The following MAML2 variants were observed in gnomAD, a reference collection of about 807,000 sequenced individuals.
MAML2 encodes the protein mastermind like transcriptional coactivator 2.
A neutral mutation model predicts 96.1 loss-of-function variants in MAML2; 22 were observed. The observed-to-expected ratio is 0.23, with a 90% CI of 0.16 to 0.33. The LOEUF is 0.33. MAML2 is among the 10% of genes least tolerant of loss of function. The probability of loss-of-function intolerance (pLI) is 1.00; values close to 1 mark genes in which losing one functional copy is unlikely to be tolerated. For missense variants in MAML2, 1,367 were observed against 1,392.4 expected (o/e 0.98, Z 0.29); for synonymous variants, 561 against 521.3 (o/e 1.08, Z -1.04).
chr11:96,223,529 C>T (rs904392284), intron 1 of MAML2, among the ~76,000 whole-genome samples: 1 of 151,798 alleles, frequency 6.6e-6, no homozygotes, highest in African/African-American at 2.4e-5. Context: ...AGGGTAGATC[C>T]AGCCAGGTAT....
chr11:96,007,152 A>G (rs989656227), intron 2 of MAML2, among the ~76,000 whole-genome samples: 3 of 149,448 alleles, frequency 2.0e-5, no homozygotes, highest in Non-Finnish European at 3.0e-5. Context: ...ACAGGAGCGT[A>G]CCACCATGTC....
At chr11:96,116,307 T>A (rs994150987) in intron 1 of MAML2, among the ~76,000 whole-genome samples, 2 of 152,190 alleles carry the variant, frequency 1.3e-5, no homozygotes, top group African/African-American at 4.8e-5. Flanking sequence ...ATGGACTCAA[T>A]GTACTCTATG....
At chr11:96,012,334 T>C (rs1858279835) in intron 2 of MAML2, among the ~76,000 whole-genome samples, 1 of 152,140 alleles carries the variant, frequency 6.6e-6, no homozygotes, top group Non-Finnish European at 1.5e-5. Flanking sequence ...AACAATCAAG[T>C]CTTTAACGAG....
chr11:96,160,769 T>G (rs530963145), intron 1 of MAML2, among the ~76,000 whole-genome samples: 54 of 152,294 alleles, frequency 3.5e-4, no homozygotes, highest in Non-Finnish European at 6.6e-4. Flanking sequence ...ACTCCCCAAT[T>G]TAAAGATTCG....
intron 2 of MAML2, among the ~76,000 whole-genome samples, chr11:96,049,296 T>C (rs1357200967): frequency 6.6e-6 from 1 of 152,226 alleles, no homozygotes; most frequent in Non-Finnish European, 1.5e-5. Flanking sequence ...TAGGTAATAA[T>C]ATAAAGTAGA....
chr11:96,233,964 C>T (rs1201659482), intron 1 of MAML2, among the ~76,000 whole-genome samples: 3 of 152,198 alleles, frequency 2.0e-5, no homozygotes, highest in Non-Finnish European at 4.4e-5. Context: ...AGCCCTCTCT[C>T]CATTTCTTGC....
intron 2 of MAML2, among the ~76,000 whole-genome samples, chr11:96,043,209 C>T (rs910612056): frequency 4.6e-5 from 7 of 152,182 alleles, no homozygotes; most frequent in African/African-American, 1.7e-4. Context: ...ATTTTACAAA[C>T]AGGAACACAA....
intron 1 of MAML2, among the ~76,000 whole-genome samples, chr11:96,256,291 T>G (rs564321119): frequency 1.3e-5 from 2 of 152,272 alleles, no homozygotes; most frequent in South Asian, 4.2e-4. Context: ...AAACTCTGAT[T>G]CCAGAGCCCG....
At chr11:96,164,659 A>T (rs1394367576) in intron 1 of MAML2, among the ~76,000 whole-genome samples, 1 of 152,222 alleles carries the variant, frequency 6.6e-6, no homozygotes, top group Non-Finnish European at 1.5e-5. Context: ...ATCCCTGAAC[A>T]CAACACAGAA....
intron 1 of MAML2, among the ~76,000 whole-genome samples, chr11:96,135,295 C>T (rs1448030292): frequency 2.0e-5 from 3 of 152,188 alleles, no homozygotes; most frequent in Non-Finnish European, 4.4e-5. Context: ...ACTTCCCAGT[C>T]TCCAAAACTG....
At chr11:96,180,287 C>T (rs562904768) in intron 1 of MAML2, among the ~76,000 whole-genome samples, 6 of 152,294 alleles carry the variant, frequency 3.9e-5, no homozygotes, top group East Asian at 1.9e-4. Context: ...GGTGGGTCTA[C>T]GTTCCCTCCT....
rs766470058 is a variant in MAML2, at chr11:96,092,039, T to C, written c.1992A>G (p.Gln664=). 8.3e-6 allele frequency: 13 copies of C among 1,557,744 alleles called. No individual in the cohort carries two copies. Among genetic ancestry groups the C allele is most frequent in the Middle Eastern group, 1.7e-4 (1 of 5,988 alleles). Residue 664 remains glutamine, a synonymous_variant, in exon 2 of 5, where the codon CAA becomes CAG. Transcript: ENST00000524717. The surrounding 1 kb of genome is among the most constrained non-coding windows in gnomAD (Gnocchi z 4.1). ...ATTGGGCAGGCTGAGAAGATGGTTGTTGCTGCTGCTGCTGCTGCTGTTGTT... is the reference window on the plus strand; with the variant it reads ...ATTGGGCAGGCTGAGAAGATGGTTGCTGCTGCTGCTGCTGCTGCTGTTGTT... ...QQQQQQQQQQ[Q]QPSSQPAQSL...
At chr11:96,175,593 T>G (rs1452334580) in intron 1 of MAML2, among the ~76,000 whole-genome samples, 1 of 152,084 alleles carries the variant, frequency 6.6e-6, no homozygotes, top group East Asian at 1.9e-4. Flanking sequence ...TTTTGTTTTG[T>G]TTTGTTTTTT....
At chr11:96,317,194 G>C (rs1054845592) in intron 1 of MAML2, among the ~76,000 whole-genome samples, 2 of 152,106 alleles carry the variant, frequency 1.3e-5, no homozygotes, top group Non-Finnish European at 2.9e-5. Flanking sequence ...TCCACAGAAG[G>C]AAAGATGCAC....
chr11:96,139,685 C>T lies in MAML2; in HGVS notation c.514-46168G>A, dbSNP rs553606038. Among the ~76,000 whole-genome samples, 5 of 152,142 alleles carry T rather than the reference C, an allele frequency of 3.3e-5. No homozygotes were observed. In the East Asian group the frequency reaches 9.6e-4, roughly 29 times the overall value. On this transcript the variant is annotated intron_variant, in intron 1 of 4. Transcript: ENST00000524717. ...TCTGACCTCTGGGGCTACCTCTCCC[C>T]TTTACCTACTCATAATCATTTTGGT...
At chr11:96,039,087 C>G (rs1196961329) in intron 2 of MAML2, among the ~76,000 whole-genome samples, 6 of 152,158 alleles carry the variant, frequency 3.9e-5, no homozygotes, top group African/African-American at 1.4e-4. Flanking sequence ...CCTGTCTACA[C>G]AAAAATGTTT....
intron 1 of MAML2, among the ~76,000 whole-genome samples, chr11:96,310,061 T>C (rs748729477): frequency 3.9e-5 from 6 of 152,154 alleles, no homozygotes; most frequent in Non-Finnish European, 8.8e-5. Flanking sequence ...ATAGGGAGCA[T>C]ACTTGCTTCT....
intron 2 of MAML2, among the ~76,000 whole-genome samples, chr11:96,002,829 A>T: frequency 7.0e-6 from 1 of 142,676 alleles, no homozygotes; most frequent in Non-Finnish European, 1.5e-5. Flanking sequence ...GATGAGGAGG[A>T]TGATGGGGAT....
At chr11:95,981,467 C>T (rs1857736112) in intron 4 of MAML2, among the ~76,000 whole-genome samples, 1 of 152,154 alleles carries the variant, frequency 6.6e-6, no homozygotes, top group Non-Finnish European at 1.5e-5. Context: ...ATCACAATGT[C>T]AGTGGATGGG....
Sources: allele counts gnomAD v4.1 joint callset (sites outside exome capture counted in the v4.1 genomes callset), GRCh38; gene constraint gnomAD v4.1.1; non-coding constraint Gnocchi (gnomAD v3.1); transcripts MANE v1.5; gene names NCBI Gene and HGNC (gene_info 2026-07-23, HGNC 2026-07-21).